Variants in ERBB4 observed in about 807,000 individuals in gnomAD.
The protein encoded by ERBB4 is erb-b2 receptor tyrosine kinase 4, also known as receptor tyrosine-protein kinase erbB-4.
ERBB4 carries 42 observed loss-of-function variants against 158.0 expected under a neutral mutation model. The observed-to-expected ratio is 0.27, with a 90% CI of 0.21 to 0.34. The LOEUF (loss-of-function observed/expected upper bound fraction) is 0.34. Among genes scored for constraint, ERBB4 ranks in the 10% least tolerant of loss-of-function variants. ERBB4 has a pLI of 1.00. For synonymous variants in ERBB4, 583 were observed against 558.7 expected, an observed-to-expected ratio of 1.04 and a Z score of -0.61; for missense variants, 1,333 against 1,624.1, an observed-to-expected ratio of 0.82 and a Z score of 3.08.
chr2:212,007,157 C>T (rs939771926), intron 2 of ERBB4, among the ~76,000 whole-genome samples: 1 of 151,758 alleles, frequency 6.6e-6, no homozygotes, highest in African/African-American at 2.4e-5. Flanking sequence ...ATCTTCAAAA[C>T]CTTCAATGAA....
chr2:211,473,906 A>T (rs919131925), intron 20 of ERBB4, among the ~76,000 whole-genome samples: 1 of 152,036 alleles, frequency 6.6e-6, no homozygotes, highest in African/African-American at 2.4e-5. Context: ...AAAAGCCAGA[A>T]ATTTGAAGTT....
intron 2 of ERBB4, among the ~76,000 whole-genome samples, chr2:212,017,178 T>C (rs2076547510): frequency 6.6e-6 from 1 of 152,176 alleles, no homozygotes; most frequent in African/African-American, 2.4e-5. Flanking sequence ...ACGAAGGTAA[T>C]AGAATGCAAC....
intron 19 of ERBB4, among the ~76,000 whole-genome samples, chr2:211,599,649 T>C (rs555157734): frequency 6.6e-6 from 1 of 152,012 alleles, no homozygotes; most frequent in Non-Finnish European, 1.5e-5. Context: ...CTATAGTCTA[T>C]GAAAACAATG....
At chr2:212,147,388 G>T (rs573273655) in intron 1 of ERBB4, among the ~76,000 whole-genome samples, 1 of 151,670 alleles carries the variant, frequency 6.6e-6, no homozygotes, top group East Asian at 1.9e-4. Context: ...ATTTAATCCA[G>T]CATCATTTAA....
intron 2 of ERBB4, among the ~76,000 whole-genome samples, chr2:212,113,491 G>A (rs1018786153): frequency 7.7e-5 from 11 of 142,666 alleles, no homozygotes; most frequent in East Asian, 2.1e-4. Context: ...GGAGAATGGT[G>A]TGAACCCGGG....
In ERBB4 at chr2:212,526,158, A is replaced by G. The variant is rs968491694; in HGVS notation, c.82+12291T>C. ...GAAAGCTGTTAAACTGTGGGAGACA[A>G]ACTTCATCTGTACTTCTCAAAGAGT... is the stretch of plus-strand genomic sequence containing the variant. On this transcript the variant is annotated intron_variant, in intron 1 of 27. Coordinates refer to ENST00000342788, the MANE Select transcript of ERBB4 (RefSeq NM_005235.3). 2.6e-5 allele frequency among the ~76,000 whole-genome samples: 4 copies of G among 152,184 alleles called. No individual in the cohort carries two copies. The South Asian group carries it at 8.3e-4, about 32-fold the overall frequency.
At chr2:211,984,146 G>A (rs569345999) in intron 2 of ERBB4, among the ~76,000 whole-genome samples, 23 of 152,192 alleles carry the variant, frequency 1.5e-4, no homozygotes, top group African/African-American at 3.6e-4. Flanking sequence ...AAGATGGTAC[G>A]GATGGTGCCT....
intron 1 of ERBB4, among the ~76,000 whole-genome samples, chr2:212,192,312 T>C (rs1559709705): frequency 6.6e-6 from 1 of 151,504 alleles, no homozygotes; most frequent in East Asian, 1.9e-4. Flanking sequence ...TATTCAAAAT[T>C]GAAATAGAAC....
At chr2:211,815,163 T>C (rs971116887) in intron 3 of ERBB4, among the ~76,000 whole-genome samples, 6 of 152,218 alleles carry the variant, frequency 3.9e-5, no homozygotes, top group Admixed American at 6.5e-5. Context: ...GCTTGCTACA[T>C]TTCAACGCAA....
intron 20 of ERBB4, among the ~76,000 whole-genome samples, chr2:211,546,644 G>A (rs958831587): frequency 6.6e-6 from 1 of 152,060 alleles, no homozygotes; most frequent in Non-Finnish European, 1.5e-5. Context: ...GTAAGTATTA[G>A]AGGATATAAT....
chr2:212,162,710 G>A (rs1169342406), intron 1 of ERBB4, among the ~76,000 whole-genome samples: 12 of 151,786 alleles, frequency 7.9e-5, no homozygotes, highest in Admixed American at 7.2e-4. Context: ...GCAATAATGA[G>A]GAGAAATGTG....
intron 2 of ERBB4, among the ~76,000 whole-genome samples, chr2:212,013,058 CT>C (rs775918426): frequency 0.059 from 8,210 of 139,578 alleles, 258 homozygotes; most frequent in South Asian, 0.11. Flanking sequence ...AAATACTTTC[CT>C]TTTTTTTTTT....
intron 1 of ERBB4, among the ~76,000 whole-genome samples, chr2:212,414,825 C>A (rs1355371538): frequency 6.6e-6 from 1 of 152,170 alleles, no homozygotes; most frequent in African/African-American, 2.4e-5. Flanking sequence ...CAGTCTGTGA[C>A]CAGACTGGTT....
intron 1 of ERBB4, among the ~76,000 whole-genome samples, chr2:212,127,457 T>C (rs2079972084): frequency 1.3e-5 from 2 of 152,142 alleles, no homozygotes; most frequent in East Asian, 1.9e-4. Flanking sequence ...CCGGGCCTGG[T>C]GGCGGGTGCC....
chr2:211,553,504 T>C (rs1427597575), intron 20 of ERBB4, among the ~76,000 whole-genome samples: 4 of 152,216 alleles, frequency 2.6e-5, no homozygotes. Flanking sequence ...AATGACGGTA[T>C]TTTTTACGTG....
At chr2:211,384,163 C>A (rs898370136) in intron 27 of ERBB4, 103 bp from the exon 28 acceptor site, 1 of 815,510 alleles carries the variant, frequency 1.2e-6, no homozygotes, top group Non-Finnish European at 2.0e-6. Context: ...AACAAAAAAA[C>A]CCACAGATTT....
chr2:211,486,763 TCA>T (rs1443270395), intron 20 of ERBB4, among the ~76,000 whole-genome samples: 1 of 152,054 alleles, frequency 6.6e-6, no homozygotes, highest in Non-Finnish European at 1.5e-5. Context: ...AGCACCCAAA[TCA>T]CAGACTTGTG....
intron 20 of ERBB4, among the ~76,000 whole-genome samples, chr2:211,489,188 C>A (rs1312497550): frequency 1.3e-5 from 2 of 152,040 alleles, no homozygotes; most frequent in African/African-American, 4.8e-5. Flanking sequence ...ATTCTTTTCA[C>A]CACAGCTGAC....
intron 1 of ERBB4, among the ~76,000 whole-genome samples, chr2:212,489,624 C>G (rs1690164098): frequency 6.6e-6 from 1 of 151,678 alleles, no homozygotes; most frequent in South Asian, 2.1e-4. Flanking sequence ...AAAATTAACT[C>G]TAACGTATGG....
Sources: gnomAD v4.1 joint callset for allele counts (sites outside exome capture counted in the v4.1 genomes callset) on GRCh38, gnomAD v4.1.1 for gene constraint, MANE v1.5 for transcripts, NCBI Gene and HGNC (gene_info 2026-07-23, HGNC 2026-07-21) for gene names.